The following PLAA variants were observed in gnomAD, a reference collection of about 807,000 sequenced individuals.
The protein encoded by PLAA is phospholipase A2 activating protein.
Under a neutral mutation model 84.1 loss-of-function variants are expected in PLAA, and 48 were observed. That is an observed-to-expected ratio of 0.57 (90% confidence interval 0.45 to 0.73). The LOEUF (loss-of-function observed/expected upper bound fraction) is 0.73. Among genes scored for constraint, PLAA ranks in the 30% least tolerant of loss-of-function variants. The pLI is 0.00. For missense variants in PLAA, 903 were observed against 954.7 expected (o/e 0.95, Z 0.71); for synonymous variants, 392 against 336.6 (o/e 1.16, Z -1.80).
chr9:26,912,289 C>G (rs1258477674), intron 11 of PLAA, among the ~76,000 whole-genome samples: 1 of 152,178 alleles, frequency 6.6e-6, no homozygotes, highest in Non-Finnish European at 1.5e-5. Context: ...GTTCAAAGCT[C>G]TGGAGGTAGA....
chr9:26,914,804 A>G (rs1824499065), intron 10 of PLAA, among the ~76,000 whole-genome samples: 1 of 152,214 alleles, frequency 6.6e-6, no homozygotes, highest in South Asian at 2.1e-4. Flanking sequence ...TTTTCTAAAT[A>G]TGGTTTTCTG....
chr9:26,933,791 A>AC (rs1825268307), intron 2 of PLAA, among the ~76,000 whole-genome samples: 1 of 113,740 alleles, frequency 8.8e-6, no homozygotes, highest in Non-Finnish European at 1.6e-5. Flanking sequence ...TCTGCCTCAA[A>AC]AAAAAAAAAA....
chr9:26,914,036 C>T (rs527938467), intron 10 of PLAA, 89 bp from the exon 11 acceptor site: 1 of 901,868 alleles, frequency 1.1e-6, no homozygotes, highest in South Asian at 1.4e-5. Flanking sequence ...GTATTAAGCA[C>T]ACTTCACAAT....
intron 1 of PLAA, among the ~76,000 whole-genome samples, chr9:26,935,993 A>G (rs1002549615): frequency 2.0e-5 from 3 of 152,092 alleles, no homozygotes; most frequent in Admixed American, 1.3e-4. Context: ...AAGTTCAACC[A>G]GCAGATTATG....
At chr9:26,937,931 T>A (rs998271514) in intron 1 of PLAA, among the ~76,000 whole-genome samples, 1 of 150,008 alleles carries the variant, frequency 6.7e-6, no homozygotes, top group African/African-American at 2.5e-5. Flanking sequence ...TAGGCCAGCA[T>A]ACAGATTGTG....
intron 11 of PLAA, 23 bp downstream of exon 11, chr9:26,913,856 A>G: frequency 6.6e-7 from 1 of 1,512,812 alleles, no homozygotes; most frequent in Non-Finnish European, 9.0e-7. Flanking sequence ...TAAAAAAAAG[A>G]AAAAGAAATA....
rs201814139 is a variant in PLAA at position 26,935,058 on chromosome 9, C to T, written c.298G>A (p.Asp100Asn). ...NDHNICIFSL[D>N]SPMPLYILKG... ...AGAATATAAAGTGGCATTGGACTGT[C>T]CAGTGAGAAAATGCATATATTGTGG... is the stretch of plus-strand genomic sequence containing the variant. The change falls in exon 2 of 14, where the codon GAC becomes AAC. Residue 100 changes from aspartate (D) to asparagine (N), a missense_variant. Physicochemically the swap from Asp to Asn is conservative, Grantham distance 23. Transcript: ENST00000397292. The T allele has an allele frequency of 1.2e-6, 2 of 1,608,694 alleles. No individual in the cohort carries two copies. The highest frequency in any genetic ancestry group is 1.7e-6 in the Non-Finnish European group (2 of 1,178,166).
chr9:26,913,858 A>G lies in PLAA; in HGVS notation c.1555+21T>C, dbSNP rs201850921. ...AATTTTTAAAATCTAAAAAAAAGAAAAAGAAATAAAAAGTATGTACCTGTA... is the reference window on the plus strand; with the variant it reads ...AATTTTTAAAATCTAAAAAAAAGAAGAAGAAATAAAAAGTATGTACCTGTA... On this transcript the variant is annotated intron_variant, in intron 11 of 13. Transcript: ENST00000397292. 3.3e-4 allele frequency: 497 copies of G among 1,524,342 alleles called. 1 individual carries two copies. The Middle Eastern group carries it at 4.0e-3, about 12-fold the overall frequency. The allele number at this position is 1,524,342 out of a possible 1,614,324, so 94.4% of individuals were successfully genotyped here.
intron 13 of PLAA, 145 bp from the exon 14 acceptor site, chr9:26,906,221 C>G: frequency 1.9e-6 from 1 of 517,782 alleles, no homozygotes; most frequent in Non-Finnish European, 3.3e-6. Context: ...AAAAAAAATG[C>G]ATATATTTCT....
intron 2 of PLAA, among the ~76,000 whole-genome samples, chr9:26,934,409 T>C (rs1444174460): frequency 2.6e-5 from 4 of 151,774 alleles, no homozygotes; most frequent in Admixed American, 6.6e-5. Context: ...TTGCATGAAA[T>C]AGTTAAAAAC....
intron 7 of PLAA, among the ~76,000 whole-genome samples, chr9:26,922,402 T>C (rs1188224086): frequency 1.3e-5 from 2 of 152,082 alleles, no homozygotes; most frequent in African/African-American, 2.4e-5. Flanking sequence ...CCACCATTGT[T>C]TTTGCACCAT....
chr9:26,923,131 A>G lies in PLAA; in HGVS notation c.1039+47T>C, dbSNP rs182194089. On this transcript the variant is annotated intron_variant, in intron 7 of 13. Transcript: ENST00000397292. ...TTATTTTTCTTCTAATTGTTCCAAA[A>G]GCCAAATATGGTGAATTTTTTCTAC... 244 of 1,365,638 alleles carry G rather than the reference A, an allele frequency of 1.8e-4. No homozygotes were observed. The African/African-American group carries it at 3.0e-3, about 17-fold the overall frequency. The allele number at this position is 1,365,638 out of a possible 1,614,324, so 84.6% of individuals were successfully genotyped here. A position where few individuals can be genotyped will look rare whatever the true frequency, so the allele number is the denominator to read the frequency against.
intron 1 of PLAA, among the ~76,000 whole-genome samples, chr9:26,936,924 T>A (rs900857806): frequency 5.3e-5 from 8 of 152,096 alleles, no homozygotes; most frequent in African/African-American, 1.9e-4. Context: ...GTAGATCACC[T>A]GAGGTCAGGA....
chr9:26,907,603 C>T (rs1295301054), intron 13 of PLAA: 1 of 438,166 alleles, frequency 2.3e-6, no homozygotes, highest in Non-Finnish European at 4.0e-6. Flanking sequence ...AAAAAACAAA[C>T]TGGTGCATAT....
At chr9:26,907,221 T>A (rs763202811) in intron 13 of PLAA, among the ~76,000 whole-genome samples, 15 of 151,740 alleles carry the variant, frequency 9.9e-5, no homozygotes, top group Non-Finnish European at 5.9e-5. Flanking sequence ...TGGCCAGGAA[T>A]CCACAAATGC....
chr9:26,923,429 A>T (rs948440512), intron 6 of PLAA, 82 bp from the exon 7 acceptor site: 1 of 1,034,402 alleles, frequency 9.7e-7, no homozygotes. Flanking sequence ...CATAGTAAAA[A>T]TAATCTGTGT....
At chr9:26,914,574 C>CT (rs1824492604) in intron 10 of PLAA, among the ~76,000 whole-genome samples, 1 of 126,158 alleles carries the variant, frequency 7.9e-6, no homozygotes, top group African/African-American at 3.3e-5. Context: ...ATTAAAAAAG[C>CT]AAAACCAAAA....
chr9:26,934,757 GT>G (rs1459945500), intron 2 of PLAA, among the ~76,000 whole-genome samples: 1 of 151,996 alleles, frequency 6.6e-6, no homozygotes, highest in Admixed American at 6.6e-5. Flanking sequence ...GGGATTACAG[GT>G]GTGAGCCACC....
chr9:26,939,214 C>T (rs988122936), intron 1 of PLAA, among the ~76,000 whole-genome samples: 1 of 151,786 alleles, frequency 6.6e-6, no homozygotes, highest in Admixed American at 6.6e-5. Flanking sequence ...CGGTGAAACC[C>T]CATCTCTACT....
Sources: allele counts gnomAD v4.1 joint callset (sites outside exome capture counted in the v4.1 genomes callset), GRCh38; gene constraint gnomAD v4.1.1; transcripts MANE v1.5; gene names NCBI Gene and HGNC (gene_info 2026-07-23, HGNC 2026-07-21).